The following PARVA variants were observed in gnomAD, a reference collection of about 807,000 sequenced individuals.
PARVA encodes alpha-parvin.
In PARVA, 25 loss-of-function variants were observed where a neutral mutation model predicts 52.6. The observed-to-expected ratio is 0.48, with a 90% CI of 0.35 to 0.66. PARVA has a LOEUF of 0.66. Ranked by LOEUF, PARVA falls within the 30% of genes least tolerant of loss-of-function variation. PARVA has a pLI of 0.01. For missense variants in PARVA, 373 were observed against 450.9 expected, an observed-to-expected ratio of 0.83 and a Z score of 1.56; for synonymous variants, 185 against 179.1, an observed-to-expected ratio of 1.03 and a Z score of -0.26.
At chr11:12,401,443 A>G (rs12275332) in intron 1 of PARVA, among the ~76,000 whole-genome samples, 24,158 of 152,128 alleles carry the variant, frequency 0.16, 3,467 homozygotes, top group African/African-American at 0.39. Context: ...TTTTTTTGCC[A>G]ATGGGATCCT....
chr11:12,461,242 A>C (rs1049005234), intron 1 of PARVA, among the ~76,000 whole-genome samples: 1 of 152,192 alleles, frequency 6.6e-6, no homozygotes, highest in Non-Finnish European at 1.5e-5. Flanking sequence ...AAGTAATGCC[A>C]GCTCCACCCT....
At chr11:12,501,456 A>C (rs1461742324) in intron 5 of PARVA, among the ~76,000 whole-genome samples, 1 of 152,150 alleles carries the variant, frequency 6.6e-6, no homozygotes, top group Non-Finnish European at 1.5e-5. Context: ...AGGGATTTGC[A>C]AGGAGAAACT....
At chr11:12,505,201 C>T (rs955057420) in intron 6 of PARVA, among the ~76,000 whole-genome samples, 3 of 152,158 alleles carry the variant, frequency 2.0e-5, no homozygotes, top group African/African-American at 4.8e-5. Flanking sequence ...TTGCTTGTTC[C>T]TGTTCTTTTC....
intron 1 of PARVA, among the ~76,000 whole-genome samples, chr11:12,391,762 C>A (rs536794833): frequency 1.3e-5 from 2 of 152,212 alleles, no homozygotes; most frequent in East Asian, 1.9e-4. Flanking sequence ...TTCCCAAAGA[C>A]TTCTTATGAG....
intron 1 of PARVA, among the ~76,000 whole-genome samples, chr11:12,456,331 A>T (rs923186822): frequency 6.7e-6 from 1 of 149,598 alleles, no homozygotes; most frequent in Non-Finnish European, 1.5e-5. Context: ...CCCACTTTAG[A>T]GGGGGAACAA....
chr11:12,469,589 T>C (rs1191941787), intron 1 of PARVA, among the ~76,000 whole-genome samples: 1 of 152,178 alleles, frequency 6.6e-6, no homozygotes, highest in Non-Finnish European at 1.5e-5. Context: ...GAGGGCTGTT[T>C]TGGGAAAGTG....
chr11:12,532,618 G>A lies in PARVA; in HGVS notation c.*4693G>A, dbSNP rs899753190. ...GTTAGTTACAAATTGTGACTGTCGC[G>A]ATGGAGAAGTACTAAAATCTATGAA... On this transcript the variant is annotated 3_prime_UTR_variant, in exon 13 of 13. Coordinates refer to ENST00000334956, the MANE Select transcript of PARVA (RefSeq NM_018222.5). 6.6e-6 allele frequency among the ~76,000 whole-genome samples: 1 copy of A among 152,220 alleles called. No homozygotes were observed. Among genetic ancestry groups the A allele is most frequent in the African/African-American group, 2.4e-5 (1 of 41,456 alleles).
chr11:12,517,340 C>A (rs1243083393), intron 10 of PARVA, among the ~76,000 whole-genome samples: 2 of 132,006 alleles, frequency 1.5e-5, no homozygotes, highest in African/African-American at 5.5e-5. Flanking sequence ...ATGCTCTGGT[C>A]CCCATGCCTA....
intron 8 of PARVA, among the ~76,000 whole-genome samples, chr11:12,512,914 G>T (rs1253055037): frequency 6.6e-6 from 1 of 152,102 alleles, no homozygotes; most frequent in Admixed American, 6.5e-5. Flanking sequence ...TGAAAATTGG[G>T]GGGTGAAATT....
At chr11:12,404,622 A>G (rs753171444) in intron 1 of PARVA, among the ~76,000 whole-genome samples, 7 of 152,292 alleles carry the variant, frequency 4.6e-5, no homozygotes, top group Admixed American at 1.3e-4. Flanking sequence ...CAATAATTAG[A>G]TGGGGACTGG....
At chr11:12,484,618 A>G (rs972598920) in intron 4 of PARVA, among the ~76,000 whole-genome samples, 1 of 151,916 alleles carries the variant, frequency 6.6e-6, no homozygotes, top group Admixed American at 6.6e-5. Context: ...AGATAATAAT[A>G]TCCACTAGGC....
chr11:12,508,815 G>C (rs188223059), intron 7 of PARVA, among the ~76,000 whole-genome samples, 173 bp downstream of exon 7: 1 of 152,248 alleles, frequency 6.6e-6, no homozygotes, highest in African/African-American at 2.4e-5. Context: ...GCCTCTCAAT[G>C]CTTAAGGTAC....
At chr11:12,490,399 C>G (rs1304912423) in intron 4 of PARVA, among the ~76,000 whole-genome samples, 1 of 151,448 alleles carries the variant, frequency 6.6e-6, no homozygotes. Flanking sequence ...GTGGCGCACA[C>G]CTGTAATCTC....
At chr11:12,413,405 C>A (rs746500791) in intron 1 of PARVA, among the ~76,000 whole-genome samples, 1 of 152,182 alleles carries the variant, frequency 6.6e-6, no homozygotes, top group Non-Finnish European at 1.5e-5. Context: ...ACAAGTACAT[C>A]CATCATTAAT....
At chr11:12,520,564 T>A (rs903757318) in intron 12 of PARVA, among the ~76,000 whole-genome samples, 1 of 152,186 alleles carries the variant, frequency 6.6e-6, no homozygotes, top group Non-Finnish European at 1.5e-5. Context: ...TGGGTTTGTA[T>A]CTGAGATGAC....
intron 7 of PARVA, 55 bp downstream of exon 7, chr11:12,508,697 T>G: frequency 7.8e-7 from 1 of 1,289,004 alleles, no homozygotes; most frequent in Non-Finnish European, 1.1e-6. Context: ...GATGTTTCTC[T>G]GAAATTCATC....
chr11:12,399,720 A>G (rs1565327525), intron 1 of PARVA, among the ~76,000 whole-genome samples: 1 of 151,936 alleles, frequency 6.6e-6, no homozygotes, highest in Non-Finnish European at 1.5e-5. Flanking sequence ...TTTTTTTCTC[A>G]TTACATTACC....
intron 3 of PARVA, among the ~76,000 whole-genome samples, chr11:12,476,627 C>G (rs999448102): frequency 1.3e-5 from 2 of 152,162 alleles, no homozygotes; most frequent in Non-Finnish European, 2.9e-5. Context: ...CCTCCCCACC[C>G]CAGGATTTGA....
chr11:12,521,957 G>A (rs116511279), intron 12 of PARVA, among the ~76,000 whole-genome samples: 6 of 152,292 alleles, frequency 3.9e-5, no homozygotes, highest in African/African-American at 9.6e-5. Flanking sequence ...TGCTGACACC[G>A]TGATTTTATC....
Sources: allele counts gnomAD v4.1 joint callset (sites outside exome capture counted in the v4.1 genomes callset), GRCh38; gene constraint gnomAD v4.1.1; transcripts MANE v1.5; gene names NCBI Gene and HGNC (gene_info 2026-07-23, HGNC 2026-07-21).